Variants in FIP1L1 observed in about 807,000 individuals in gnomAD.
FIP1L1 encodes the protein factor interacting with PAPOLA and CPSF1, also known as pre-mRNA 3'-end-processing factor FIP1.
Under a neutral mutation model 84.6 loss-of-function variants are expected in FIP1L1, and 21 were observed. The observed-to-expected ratio is 0.25, with a 90% CI of 0.18 to 0.36. The LOEUF (loss-of-function observed/expected upper bound fraction) is 0.36. Among genes scored for constraint, FIP1L1 ranks in the 10% least tolerant of loss-of-function variants. FIP1L1 has a pLI of 1.00. For missense variants in FIP1L1, 526 were observed against 751.1 expected (o/e 0.70, Z 3.50); for synonymous variants, 263 against 242.3 (o/e 1.09, Z -0.80).
In FIP1L1 at chr4:53,435,424, T is replaced by A. The variant is rs1356909782; in HGVS notation, c.1175-7229T>A. Among the ~76,000 whole-genome samples the A allele has an allele frequency of 5.9e-5, 9 of 152,198 alleles. No individual in the cohort carries two copies. In the South Asian group the frequency reaches 6.2e-4, roughly 10 times the overall value. On this transcript the variant is annotated intron_variant, in intron 13 of 17. Transcript: ENST00000337488. ...ACTGCTCTTTTGATCGTCTCATGATTATATGGAAGCTGGTAGAGATCATTT... is the reference window on the plus strand; with the variant it reads ...ACTGCTCTTTTGATCGTCTCATGATAATATGGAAGCTGGTAGAGATCATTT...
chr4:53,418,186 G>T (rs1699893575), intron 11 of FIP1L1, among the ~76,000 whole-genome samples: 1 of 151,932 alleles, frequency 6.6e-6, no homozygotes, highest in Non-Finnish European at 1.5e-5. Flanking sequence ...CTACCTGGGA[G>T]GCTGAGGTGG....
rs139595807 is a variant in FIP1L1, at chr4:53,407,987, C to G, written c.816-6628C>G. On this transcript the variant is annotated intron_variant, in intron 10 of 17. Coordinates refer to ENST00000337488, the MANE Select transcript of FIP1L1 (RefSeq NM_030917.4). Reference sequence around the variant, plus strand: ...TGTCTTTTAATTGGAGCATTTAGTTCATTTACATTTAAAGCTAACATTGTT... The same window carrying G: ...TGTCTTTTAATTGGAGCATTTAGTTGATTTACATTTAAAGCTAACATTGTT... Among the ~76,000 whole-genome samples the G allele has an allele frequency of 4.9e-3, 753 of 152,266 alleles. 8 individuals carry two copies. The highest frequency in any genetic ancestry group is 0.018 in the African/African-American group (729 of 41,540).
Position 53,383,706 on chromosome 4 carries a change from A to G in FIP1L1, c.229-67A>G, listed in dbSNP as rs375673559. ...AAAAAACAGGGTGGTTACTTTTTTT[A>G]GTTATTAGTATTAGATGTTGAAATG... On this transcript the variant is annotated intron_variant, in intron 4 of 17. Transcript: ENST00000337488. The G allele has an allele frequency of 3.1e-5, 43 of 1,397,744 alleles. No individual in the cohort carries two copies. In the African/African-American group the frequency reaches 5.4e-4, roughly 18 times the overall value. 86.6% of individuals were successfully genotyped at this position (1,397,744 alleles called of 1,614,324 possible). A position where few individuals can be genotyped will look rare whatever the true frequency, so the allele number is the denominator to read the frequency against.
At chr4:53,379,285 A>G (rs747304988) in intron 3 of FIP1L1, 21 bp downstream of exon 3, 1 of 1,576,020 alleles carries the variant, frequency 6.3e-7, no homozygotes, top group Non-Finnish European at 8.6e-7. Context: ...TTTTCTGTTG[A>G]TGCCTATTAC....
At chr4:53,449,803 T>C (rs1775675189) in intron 15 of FIP1L1, among the ~76,000 whole-genome samples, 1 of 152,166 alleles carries the variant, frequency 6.6e-6, no homozygotes, top group Non-Finnish European at 1.5e-5. Flanking sequence ...AAGATTTCTT[T>C]TTTGTTTTGA....
At chr4:53,391,184 C>T (rs759526633) in intron 8 of FIP1L1, 45 bp downstream of exon 8, 5 of 1,554,716 alleles carry the variant, frequency 3.2e-6, no homozygotes, top group Middle Eastern at 1.7e-4. Flanking sequence ...GTCTACCGTC[C>T]CACTTTTACT....
chr4:53,437,864 T>C (rs1270626081), intron 13 of FIP1L1, among the ~76,000 whole-genome samples: 4 of 152,080 alleles, frequency 2.6e-5, no homozygotes, highest in Non-Finnish European at 5.9e-5. Flanking sequence ...TAGCTGGGAC[T>C]ACAGGTGCAT....
chr4:53,395,949 A>G (rs1267039343), intron 9 of FIP1L1, among the ~76,000 whole-genome samples: 1 of 147,284 alleles, frequency 6.8e-6, no homozygotes, highest in Non-Finnish European at 1.5e-5. Flanking sequence ...ACAGAATTTC[A>G]CTCTTGTTGC....
chr4:53,460,670 T>TAAAC lies in FIP1L1; in HGVS notation c.*1224_*1227dup, dbSNP rs894524144. ...GGCTTTTTATTGAATAGAAAAAATA[T>TAAAC]AAACAATGTTGTAGAGTAATGAGAA... On this transcript the variant is annotated 3_prime_UTR_variant, in exon 18 of 18. Transcript: ENST00000337488. 287 of 404,216 alleles carry TAAAC rather than the reference T, an allele frequency of 7.1e-4. 1 individual carries two copies. Among genetic ancestry groups the TAAAC allele is most frequent in the South Asian group, 3.9e-3 (93 of 23,552 alleles). The allele number at this position is 404,216 out of a possible 1,614,324, so 25.0% of individuals were successfully genotyped here.
rs371630677 is a variant in FIP1L1 at position 53,446,203 on chromosome 4, T to A, written c.1285+2100T>A. 6.4e-3 allele frequency among the ~76,000 whole-genome samples: 980 copies of A among 152,178 alleles called. 9 individuals are homozygous for A. Among genetic ancestry groups the A allele is most frequent in the African/African-American group, 0.022 (918 of 41,482 alleles). On this transcript the variant is annotated intron_variant, in intron 15 of 17. Transcript: ENST00000337488. ...TATGTTTCTTCCCCTTCTCCCCTTT[T>A]TTTTTTGCTAGATATTTAAGTAGTC... is the stretch of plus-strand genomic sequence containing the variant.
chr4:53,413,921 C>T lies in FIP1L1; in HGVS notation c.816-694C>T, dbSNP rs114097501. ...ATTCCTGTCAGAACAGATTTCATTT[C>T]GTTTCTGGTTTGTTTTTCCTGTGTT... On this transcript the variant is annotated intron_variant, in intron 10 of 17. Coordinates refer to ENST00000337488, the MANE Select transcript of FIP1L1 (RefSeq NM_030917.4). Among the ~76,000 whole-genome samples, 1,210 of 152,146 alleles carry T rather than the reference C, an allele frequency of 8.0e-3. 16 individuals carry two copies. The highest frequency in any genetic ancestry group is 0.028 in the African/African-American group (1,143 of 41,522).
At chr4:53,400,547 C>T (rs1176222611) in intron 10 of FIP1L1, among the ~76,000 whole-genome samples, 3 of 152,152 alleles carry the variant, frequency 2.0e-5, no homozygotes, top group Admixed American at 6.5e-5. Context: ...TACTAGTTCT[C>T]GGCCAGATCA....
At chr4:53,393,178 G>A (rs1186774939) in intron 9 of FIP1L1, among the ~76,000 whole-genome samples, 7 of 152,190 alleles carry the variant, frequency 4.6e-5, no homozygotes, top group African/African-American at 1.7e-4. Context: ...AAAGGAACTG[G>A]CAGCAGGATG....
chr4:53,381,750 A>ATTTTTTTTT (rs1233462083), intron 3 of FIP1L1, among the ~76,000 whole-genome samples: 7 of 63,054 alleles, frequency 1.1e-4, no homozygotes, highest in South Asian at 5.8e-4. Context: ...AGGCATTTGC[A>ATTTTTTTTT]TTCTTTTTTT....
intron 5 of FIP1L1, among the ~76,000 whole-genome samples, chr4:53,389,461 T>A (rs904580689): frequency 1.3e-5 from 2 of 152,202 alleles, no homozygotes; most frequent in Admixed American, 1.3e-4. Flanking sequence ...CAGGCTTTTT[T>A]TTTTTACTGT....
chr4:53,384,630 G>GT (rs1271836444), intron 5 of FIP1L1, among the ~76,000 whole-genome samples: 37 of 152,020 alleles, frequency 2.4e-4, no homozygotes, highest in Non-Finnish European at 5.4e-4. Context: ...TTAGGCCAAT[G>GT]TTTGTCTCCA....
chr4:53,460,257 C>G lies in FIP1L1; in HGVS notation c.*808C>G. 1 of 192,848 alleles carries G rather than the reference C, an allele frequency of 5.2e-6. No homozygotes were observed. Among genetic ancestry groups the G allele is most frequent in the Non-Finnish European group, 1.1e-5 (1 of 92,374 alleles). The allele number at this position is 192,848 out of a possible 1,614,324, so 11.9% of individuals were successfully genotyped here. A position where few individuals can be genotyped will look rare whatever the true frequency, so the allele number is the denominator to read the frequency against. ...TACTAACGATTGTGGAAAAAAAGAG[C>G]TTTAGCCATTTCTTACTAAAAACAA... On this transcript the variant is annotated 3_prime_UTR_variant, in exon 18 of 18. Coordinates refer to ENST00000337488, the MANE Select transcript of FIP1L1 (RefSeq NM_030917.4).
At chr4:53,401,263 T>C (rs1272538639) in intron 10 of FIP1L1, among the ~76,000 whole-genome samples, 2 of 152,208 alleles carry the variant, frequency 1.3e-5, no homozygotes, top group East Asian at 3.8e-4. Context: ...TTTTTATTGT[T>C]GATTGGCCTT....
chr4:53,383,689 G>A, intron 4 of FIP1L1, 84 bp from the exon 5 acceptor site: 2 of 1,309,250 alleles, frequency 1.5e-6, no homozygotes, highest in South Asian at 1.5e-5. Flanking sequence ...AAAAAAAACA[G>A]GGTGGTTACT....
Sources: gnomAD v4.1 joint callset for allele counts (sites outside exome capture counted in the v4.1 genomes callset) on GRCh38, gnomAD v4.1.1 for gene constraint, MANE v1.5 for transcripts, NCBI Gene and HGNC (gene_info 2026-07-23, HGNC 2026-07-21) for gene names.